Variants in ESRRG observed in about 807,000 individuals in gnomAD.
ESRRG encodes estrogen related receptor gamma, also known as estrogen-related receptor gamma.
Under a neutral mutation model 44.0 loss-of-function variants are expected in ESRRG, and 13 were observed. The ratio of observed to expected loss-of-function variants is 0.30; its 90% confidence interval spans 0.19 to 0.47. The LOEUF (loss-of-function observed/expected upper bound fraction) is 0.47. ESRRG is among the 20% of genes least tolerant of loss of function. ESRRG has a pLI of 1.00. For synonymous variants in ESRRG, 215 were observed against 214.6 expected (o/e 1.00, Z -0.02); for missense variants, 395 against 580.6 (o/e 0.68, Z 3.29).
At chr1:217,017,172 A>C (rs902119662) in intron 1 of ESRRG, among the ~76,000 whole-genome samples, 3 of 152,166 alleles carry the variant, frequency 2.0e-5, no homozygotes, top group Non-Finnish European at 4.4e-5. Flanking sequence ...GACCAGTTGT[A>C]CAGCTGTACT....
intron 2 of ESRRG, among the ~76,000 whole-genome samples, chr1:216,751,167 T>C (rs1422992175): frequency 6.6e-6 from 1 of 152,142 alleles, no homozygotes; most frequent in Non-Finnish European, 1.5e-5. Flanking sequence ...TTAGTCTCCT[T>C]ACACGCTTAA....
chr1:216,719,006 T>C (rs1375952434), intron 1 of ESRRG, among the ~76,000 whole-genome samples: 1 of 152,088 alleles, frequency 6.6e-6, no homozygotes, highest in Non-Finnish European at 1.5e-5. Context: ...GCATATAATT[T>C]ATTTTATAAA....
chr1:217,017,491 A>AC (rs35138428), intron 1 of ESRRG, among the ~76,000 whole-genome samples: 1 of 149,112 alleles, frequency 6.7e-6, no homozygotes, highest in Non-Finnish European at 1.5e-5. Flanking sequence ...AAAAAAAAAA[A>AC]AAAAAAAGGA....
At chr1:216,765,159 C>T (rs1435125774) in intron 2 of ESRRG, among the ~76,000 whole-genome samples, 2 of 152,016 alleles carry the variant, frequency 1.3e-5, no homozygotes, top group Non-Finnish European at 2.9e-5. Flanking sequence ...TTATTTAAGG[C>T]TGGAGATTGT....
chr1:216,883,371 G>C (rs1284080963), intron 2 of ESRRG, among the ~76,000 whole-genome samples: 2 of 128,250 alleles, frequency 1.6e-5, no homozygotes, highest in African/African-American at 3.0e-5. Flanking sequence ...GGGGACAAGA[G>C]CGAGACTTCT....
chr1:216,715,516 C>T (rs1223131653), intron 1 of ESRRG, among the ~76,000 whole-genome samples: 1 of 152,068 alleles, frequency 6.6e-6, no homozygotes, highest in East Asian at 1.9e-4. Context: ...GCCCATCTTA[C>T]ATTTTTGGAG....
chr1:217,012,178 C>T (rs1433172384), intron 1 of ESRRG, among the ~76,000 whole-genome samples: 2 of 152,114 alleles, frequency 1.3e-5, no homozygotes, highest in Admixed American at 6.5e-5. Flanking sequence ...ATGTGGACAC[C>T]GTCATTCTAG....
intron 1 of ESRRG, among the ~76,000 whole-genome samples, chr1:217,066,862 C>T (rs2089801823): frequency 6.6e-6 from 1 of 152,218 alleles, no homozygotes; most frequent in South Asian, 2.1e-4. Flanking sequence ...CTGAGAACCA[C>T]TAGTCTGAGC....
chr1:216,561,137 TA>T (rs759086631), intron 5 of ESRRG, among the ~76,000 whole-genome samples: 42 of 151,978 alleles, frequency 2.8e-4, no homozygotes, highest in South Asian at 6.2e-4. Context: ...TATTTACTGA[TA>T]AAAAAAACCT....
intron 2 of ESRRG, among the ~76,000 whole-genome samples, chr1:216,833,304 A>G (rs1488369258): frequency 6.6e-6 from 1 of 152,206 alleles, no homozygotes; most frequent in Non-Finnish European, 1.5e-5. Context: ...TAATTTAGAA[A>G]TAACGTGTAA....
At chr1:216,662,968 C>T (rs1219276299) in intron 2 of ESRRG, among the ~76,000 whole-genome samples, 1 of 152,154 alleles carries the variant, frequency 6.6e-6, no homozygotes, top group African/African-American at 2.4e-5. Context: ...GCTGCAACGA[C>T]AAAAATACTT....
chr1:216,504,115 C>T lies in ESRRG; in HGVS notation c.*2824G>A, dbSNP rs1571857523. Reference sequence around the variant, plus strand: ...TGTATCTCATTCTTTGAACATATCTCCATCTCAGGTTTTCAGTTGGTTGGC... The same window carrying T: ...TGTATCTCATTCTTTGAACATATCTTCATCTCAGGTTTTCAGTTGGTTGGC... On this transcript the variant is annotated 3_prime_UTR_variant, in exon 7 of 7. Coordinates refer to ENST00000408911, the MANE Select transcript of ESRRG (RefSeq NM_001438.4). The T allele has an allele frequency of 1.3e-5, 2 of 152,638 alleles. No homozygotes were observed. The highest frequency in any genetic ancestry group is 1.9e-4 in the East Asian group (1 of 5,184). The allele number at this position is 152,638 out of a possible 1,614,324, so 9.5% of individuals were successfully genotyped here.
intron 3 of ESRRG, among the ~76,000 whole-genome samples, chr1:216,577,080 C>A (rs1258443107): frequency 2.0e-5 from 3 of 151,842 alleles, no homozygotes; most frequent in African/African-American, 7.3e-5. Context: ...ATTAAACATG[C>A]AATACCTACC....
At chr1:217,066,697 T>C (rs78558282) in intron 1 of ESRRG, among the ~76,000 whole-genome samples, 2,340 of 152,324 alleles carry the variant, frequency 0.015, 59 homozygotes, top group African/African-American at 0.053. Flanking sequence ...GACAATTCTT[T>C]GCTGTGTGGG....
At chr1:217,096,059 T>A (rs2092418725) in intron 1 of ESRRG, among the ~76,000 whole-genome samples, 1 of 152,204 alleles carries the variant, frequency 6.6e-6, no homozygotes, top group Admixed American at 6.5e-5. Context: ...TTTGAATAAG[T>A]TCTTACTTTT....
At chr1:216,761,564 A>G (rs772918914) in intron 2 of ESRRG, among the ~76,000 whole-genome samples, 12 of 152,144 alleles carry the variant, frequency 7.9e-5, no homozygotes, top group Admixed American at 1.3e-4. Flanking sequence ...GGTTCACTGT[A>G]TTCTTCCTGT....
intron 2 of ESRRG, among the ~76,000 whole-genome samples, chr1:216,923,233 C>A (rs1279766566): frequency 6.6e-6 from 1 of 152,186 alleles, no homozygotes; most frequent in Non-Finnish European, 1.5e-5. Context: ...CATATGCAGC[C>A]AAGCTAATTC....
intron 1 of ESRRG, among the ~76,000 whole-genome samples, chr1:217,019,999 C>T (rs899142242): frequency 1.3e-5 from 2 of 152,094 alleles, no homozygotes; most frequent in Non-Finnish European, 2.9e-5. Flanking sequence ...ATAAAATGAC[C>T]TGAACTCTGG....
At chr1:216,532,838 A>G (rs1024015268) in intron 5 of ESRRG, among the ~76,000 whole-genome samples, 3 of 152,212 alleles carry the variant, frequency 2.0e-5, no homozygotes, top group African/African-American at 7.2e-5. Context: ...TAAAAACAAT[A>G]ATACTTGACG....
Sources: gnomAD v4.1 joint callset for allele counts (sites outside exome capture counted in the v4.1 genomes callset) on GRCh38, gnomAD v4.1.1 for gene constraint, MANE v1.5 for transcripts, NCBI Gene and HGNC (gene_info 2026-07-23, HGNC 2026-07-21) for gene names.